HIVEP3: variants seen among roughly 807,000 people sequenced by gnomAD.
The protein encoded by HIVEP3 is transcription factor HIVEP3.
In HIVEP3, 49 loss-of-function variants were observed where a neutral mutation model predicts 152.8. That is an observed-to-expected ratio of 0.32 (90% CI 0.26 to 0.41). HIVEP3 has a LOEUF of 0.41. Ranked by LOEUF, HIVEP3 falls within the 10% of genes least tolerant of loss-of-function variation. The probability of loss-of-function intolerance (pLI) is 1.00; values close to 1 mark genes in which losing one functional copy is unlikely to be tolerated. For synonymous variants in HIVEP3, 1,269 were observed against 1,289.0 expected (o/e 0.98, Z 0.33); for missense variants, 2,790 against 3,103.3 (o/e 0.90, Z 2.40).
upstream of HIVEP3, among the ~76,000 whole-genome samples, chr1:41,920,689 G>A (rs1029745961): frequency 2.0e-5 from 3 of 151,694 alleles, no homozygotes; most frequent in Admixed American, 6.6e-5. Context: ...AGGGCTGTCC[G>A]ATAATTCAGA....
At chr1:41,908,646 G>A (rs774029353) in intron 1 of HIVEP3, among the ~76,000 whole-genome samples, 1 of 152,154 alleles carries the variant, frequency 6.6e-6, no homozygotes, top group Non-Finnish European at 1.5e-5. Flanking sequence ...GAACGATAGT[G>A]GATTCAATAT....
At chr1:41,698,883 G>C (rs558385056) in intron 2 of HIVEP3, among the ~76,000 whole-genome samples, 3 of 152,158 alleles carry the variant, frequency 2.0e-5, no homozygotes, top group East Asian at 3.8e-4. Context: ...CTTTGTCTAT[G>C]TGTCCCTTCT....
At chr1:41,571,956 G>C (rs767056008) in intron 5 of HIVEP3, among the ~76,000 whole-genome samples, 2 of 152,184 alleles carry the variant, frequency 1.3e-5, no homozygotes, top group African/African-American at 4.8e-5. Context: ...GTGGCAGAGG[G>C]AGTAAAGAGA....
chr1:41,720,016 A>C (rs11210516), intron 1 of HIVEP3, among the ~76,000 whole-genome samples: 15,152 of 152,240 alleles, frequency 0.1, 1,563 homozygotes, highest in African/African-American at 0.25. Context: ...ACAAGGACTC[A>C]AACTGTGGAG....
chr1:41,843,248 T>C (rs987546886), intron 1 of HIVEP3, among the ~76,000 whole-genome samples: 1 of 152,200 alleles, frequency 6.6e-6, no homozygotes, highest in African/African-American at 2.4e-5. Context: ...GCGATAGACT[T>C]GTTATGAATA....
At chr1:41,922,419 G>A (rs1644946146), upstream of HIVEP3, among the ~76,000 whole-genome samples, 1 of 152,054 alleles carries the variant, frequency 6.6e-6, no homozygotes, top group South Asian at 2.1e-4. Flanking sequence ...AGAAAGGTAT[G>A]TTCAAAGACA....
chr1:41,529,133 A>G (rs1236305486), intron 5 of HIVEP3, among the ~76,000 whole-genome samples: 1 of 49,102 alleles, frequency 2.0e-5, no homozygotes, highest in Non-Finnish European at 3.9e-5. Context: ...CCCTCACACA[A>G]CTCACCCTCA....
chr1:41,595,890 C>T (rs68087926), intron 3 of HIVEP3, among the ~76,000 whole-genome samples: 13,900 of 152,192 alleles, frequency 0.091, 694 homozygotes, highest in Middle Eastern at 0.17. Context: ...TGCTTGCAGA[C>T]GGCCTATTGT....
Position 41,777,468 on chromosome 1 carries a change from G to C in HIVEP3, c.-800-76473C>G, listed in dbSNP as rs74962110. Among the ~76,000 whole-genome samples, 1,106 of 152,304 alleles carry C rather than the reference G, an allele frequency of 7.3e-3. 4 individuals carry two copies. The highest frequency in any genetic ancestry group is 0.02 in the Middle Eastern group (6 of 294). On this transcript the variant is annotated intron_variant, in intron 1 of 8. Transcript: ENST00000372583. ...ATGGGGCAGACCAACAGAGGCACAG[G>C]CCCTCTTTCAAACCCCCAAACCCAC...
intron 1 of HIVEP3, among the ~76,000 whole-genome samples, chr1:41,728,830 T>C (rs1646795306): frequency 6.6e-6 from 1 of 152,172 alleles, no homozygotes; most frequent in Non-Finnish European, 1.5e-5. Context: ...AGGCAGCTGC[T>C]GCGGTGAAGG....
intron 3 of HIVEP3, among the ~76,000 whole-genome samples, chr1:41,621,315 G>A (rs1361234906): frequency 6.6e-6 from 1 of 152,240 alleles, no homozygotes; most frequent in Non-Finnish European, 1.5e-5. Flanking sequence ...GGGAGGGTAT[G>A]TGGACACACA....
At chr1:41,759,676 G>T (rs929292484) in intron 1 of HIVEP3, among the ~76,000 whole-genome samples, 7 of 152,154 alleles carry the variant, frequency 4.6e-5, no homozygotes, top group Non-Finnish European at 8.8e-5. Context: ...CTGTGCTCTG[G>T]CACAGGCACC....
chr1:41,577,154 C>G (rs1033844657), intron 4 of HIVEP3, among the ~76,000 whole-genome samples: 3 of 152,154 alleles, frequency 2.0e-5, no homozygotes, highest in Admixed American at 6.5e-5. Flanking sequence ...CCAGGAAACA[C>G]AGTGTTGGAA....
rs1436081766 is a variant in HIVEP3 at position 41,584,867 on chromosome 1, T to C, written c.-70A>G. On this transcript the variant is annotated 5_prime_UTR_variant, in exon 4 of 9. Coordinates refer to ENST00000372583, the MANE Select transcript of HIVEP3 (RefSeq NM_024503.5). This position sits in a 1 kb window ranked among gnomAD's most constrained non-coding sequence, Gnocchi z 5.2. ...GGGCTGCATTTATGAATAATCCCAG[T>C]GTCCCAAGGAGGTGTCCAGCTTTGG... 7.3e-7 allele frequency: 1 copy of C among 1,368,532 alleles called. No individual in the cohort carries two copies. Among genetic ancestry groups the C allele is most frequent in the East Asian group, 2.4e-5 (1 of 40,916 alleles). 84.8% of individuals were successfully genotyped at this position (1,368,532 alleles called of 1,614,324 possible).
intron 1 of HIVEP3, among the ~76,000 whole-genome samples, chr1:41,769,387 T>C (rs899981121): frequency 2.1e-4 from 32 of 152,218 alleles, no homozygotes; most frequent in Non-Finnish European, 1.5e-5. Context: ...CCACTAAATG[T>C]GTCCAGAAGA....
chr1:41,544,838 C>CTCT (rs1643659781), intron 5 of HIVEP3, among the ~76,000 whole-genome samples: 1 of 118,776 alleles, frequency 8.4e-6, no homozygotes, highest in Non-Finnish European at 1.7e-5. Flanking sequence ...CCATCACCAC[C>CTCT]ACCACTACCA....
chr1:41,677,974 C>A (rs1449724480), intron 2 of HIVEP3, among the ~76,000 whole-genome samples: 1 of 152,172 alleles, frequency 6.6e-6, no homozygotes, highest in Non-Finnish European at 1.5e-5. Context: ...GGGTTATTGG[C>A]TCTATTGGGT....
chr1:41,683,327 T>C (rs1228659212), intron 2 of HIVEP3, among the ~76,000 whole-genome samples: 2 of 152,206 alleles, frequency 1.3e-5, no homozygotes, highest in African/African-American at 2.4e-5. Context: ...GAAAAGGCAC[T>C]GGCATATGAC....
intron 1 of HIVEP3, among the ~76,000 whole-genome samples, chr1:41,713,962 C>G (rs1646552786): frequency 6.6e-6 from 1 of 152,194 alleles, no homozygotes; most frequent in Admixed American, 6.5e-5. Flanking sequence ...AGCTCCCCTT[C>G]CAAGAGAAGC....
Sources: allele counts gnomAD v4.1 joint callset (sites outside exome capture counted in the v4.1 genomes callset), GRCh38; gene constraint gnomAD v4.1.1; non-coding constraint Gnocchi (gnomAD v3.1); transcripts MANE v1.5; gene names NCBI Gene and HGNC (gene_info 2026-07-23, HGNC 2026-07-21).